GTPBP2: variants seen among roughly 807,000 people sequenced by gnomAD.
GTPBP2 encodes GTP binding protein 2.
Under a neutral mutation model 63.0 loss-of-function variants are expected in GTPBP2, and 32 were observed. The observed-to-expected ratio is 0.51, with a 90% CI of 0.38 to 0.68. The LOEUF is 0.68. Among genes scored for constraint, GTPBP2 ranks in the 30% least tolerant of loss-of-function variants. The pLI, the probability that GTPBP2 is intolerant of heterozygous loss-of-function variation, is 0.00. For synonymous variants in GTPBP2, 310 were observed against 322.6 expected (o/e 0.96, Z 0.42); for missense variants, 492 against 796.9 (o/e 0.62, Z 4.61).
In GTPBP2 at chr6:43,623,757, A is replaced by C; in HGVS notation, c.1275T>G (p.Val425=). ...TTTACCTGGAAAGTGTTCCTCCAAC[A>C]ACAGTCCCCACCTCTGGTACTGTGT... ...EIYTVPEVGT[V]VGGTLSSGIC... The change falls in exon 9 of 12, where the codon GTT becomes GTG. Residue 425 remains valine, a synonymous_variant. Transcript: ENST00000307126. 1 of 1,613,128 alleles carries C rather than the reference A, an allele frequency of 6.2e-7. No individual in the cohort carries two copies. Among genetic ancestry groups the C allele is most frequent in the Non-Finnish European group, 8.5e-7 (1 of 1,179,046 alleles).
upstream of GTPBP2, among the ~76,000 whole-genome samples, chr6:43,630,033 A>G (rs368721880): frequency 3.9e-5 from 6 of 152,282 alleles, no homozygotes; most frequent in Non-Finnish European, 2.9e-5. Flanking sequence ...AGCAGAACCA[A>G]TCGGGAAGAA....
rs910140705 is a variant in GTPBP2, at chr6:43,622,574, A to G, written c.1467+59T>C. On this transcript the variant is annotated intron_variant, in intron 10 of 11. Transcript: ENST00000307126. The surrounding 1 kb of genome is among the most constrained non-coding windows in gnomAD (Gnocchi z 5.4). ...CACCTTAGATAGGTGCTCATTCAGT[A>G]GCCAGTCTCCTAGGCACTTCTCTTA... The G allele has an allele frequency of 8.8e-6, 13 of 1,476,864 alleles. No homozygotes were observed. Among genetic ancestry groups the G allele is most frequent in the Middle Eastern group, 1.8e-4 (1 of 5,668 alleles). 91.5% of individuals were successfully genotyped at this position (1,476,864 alleles called of 1,614,324 possible).
Position 43,621,549 on chromosome 6 carries a change from A to G in GTPBP2, c.*65T>C. 1.9e-6 allele frequency: 3 copies of G among 1,612,136 alleles called. No homozygotes were observed. The highest frequency in any genetic ancestry group is 2.5e-6 in the Non-Finnish European group (3 of 1,179,204). ...CACACAGAGCCGCCAATGGCAGGGCAGCATGGCCAGAAGTCACCTTATATA... is the reference window on the plus strand; with the variant it reads ...CACACAGAGCCGCCAATGGCAGGGCGGCATGGCCAGAAGTCACCTTATATA... On this transcript the variant is annotated 3_prime_UTR_variant, in exon 12 of 12. Coordinates refer to ENST00000307126, the MANE Select transcript of GTPBP2 (RefSeq NM_019096.5).
At position 43,621,204 on chromosome 6, in the gene GTPBP2, A is replaced by T; in HGVS notation, c.*410T>A. 2.8e-6 allele frequency: 1 copy of T among 359,598 alleles called. No individual in the cohort carries two copies. The highest frequency in any genetic ancestry group is 2.1e-5 in the South Asian group (1 of 47,388). 22.3% of individuals were successfully genotyped at this position (359,598 alleles called of 1,614,324 possible). A position where few individuals can be genotyped will look rare whatever the true frequency, so the allele number is the denominator to read the frequency against. On this transcript the variant is annotated 3_prime_UTR_variant, in exon 12 of 12. Coordinates refer to ENST00000307126, the MANE Select transcript of GTPBP2 (RefSeq NM_019096.5). ...AACTTACATGGCCTTGAGAAGAGGT[A>T]TAGAAAAAGGAGTGCTTTTGAGGGC...
chr6:43,622,050 C>A lies in GTPBP2; in HGVS notation c.1585G>T (p.Val529Leu), dbSNP rs779230466. The change falls in exon 11 of 12, where the codon GTG (valine) becomes TTG (leucine). Residue 529 changes from valine (V) to leucine (L), a missense_variant. Val to Leu is a conservative substitution (Grantham distance 32). Around this residue, in one of 2 missense-constraint regions of GTPBP2, gnomAD observed 400 missense variants for 710.8 expected, o/e 0.56. Coordinates refer to ENST00000307126, the MANE Select transcript of GTPBP2 (RefSeq NM_019096.5). This position sits in a 1 kb window ranked among gnomAD's most constrained non-coding sequence, Gnocchi z 5.4. ...ACTGCCGTCTGACGTACGTTGCCCA[C>A]GTGTACTGTCACCTGGAATCCTCGT... ...FRRGFQVTVH[V>L]GNVRQTAVVE... The A allele has an allele frequency of 6.2e-7, 1 of 1,614,138 alleles. No individual in the cohort carries two copies. Among genetic ancestry groups the A allele is most frequent in the Admixed American group, 1.7e-5 (1 of 60,020 alleles).
chr6:43,629,286 T>A (rs1214717882), upstream of GTPBP2: 2 of 708,836 alleles, frequency 2.8e-6, no homozygotes, highest in East Asian at 6.9e-5. Flanking sequence ...CTGCACAAGC[T>A]ACGCCCCCCA....
chr6:43,623,823 G>T, intron 8 of GTPBP2, 28 bp from the exon 9 acceptor site: 1 of 1,610,994 alleles, frequency 6.2e-7, no homozygotes, highest in Non-Finnish European at 8.5e-7. Context: ...GCTATCAATG[G>T]CCTGCCAAGT....
chr6:43,629,538 T>TG (rs961408168), upstream of GTPBP2: 6 of 638,996 alleles, frequency 9.4e-6, no homozygotes, highest in African/African-American at 9.1e-5. Context: ...TTCTAGGACT[T>TG]GGGGGGAATT....
At position 43,622,762 on chromosome 6, in the gene GTPBP2, C is replaced by T. The variant is rs1406366343; in HGVS notation, c.1338G>A (p.Thr446=). The change falls in exon 10 of 12, where the codon ACG becomes ACA. Residue 446 remains threonine, a synonymous_variant. Transcript: ENST00000307126. This position sits in a 1 kb window ranked among gnomAD's most constrained non-coding sequence, Gnocchi z 5.4. ...TCAGCTCCAGGAAGCAGCCATCATC[C>T]GTGGGGCCCACCACCAGCTGGTCCC... ...REGDQLVVGP[T]DDGCFLELRV... is the part of the protein sequence containing the mutation. 4 of 1,613,988 alleles carry T rather than the reference C, an allele frequency of 2.5e-6. No individual in the cohort carries two copies. The highest frequency in any genetic ancestry group is 2.5e-6 in the Non-Finnish European group (3 of 1,179,990).
At position 43,622,045 on chromosome 6, in the gene GTPBP2, G is replaced by A. The variant is rs749602349; in HGVS notation, c.1590C>T (p.Gly530=). The A allele has an allele frequency of 3.1e-6, 5 of 1,614,142 alleles. No homozygotes were observed. The East Asian group carries it at 1.1e-4, about 36-fold the overall frequency. The change falls in exon 11 of 12, where the codon GGC becomes GGT. Residue 530 remains glycine (G), a synonymous_variant. Transcript: ENST00000307126. This position sits in a 1 kb window ranked among gnomAD's most constrained non-coding sequence, Gnocchi z 5.4. ...RRGFQVTVHV[G]NVRQTAVVEK... ...CCACCACTGCCGTCTGACGTACGTT[G>A]CCCACGTGTACTGTCACCTGGAATC...
In GTPBP2 at chr6:43,625,937, G is replaced by A. The variant is rs137900642; in HGVS notation, c.399-73C>T. On this transcript the variant is annotated intron_variant, in intron 3 of 11. Coordinates refer to ENST00000307126, the MANE Select transcript of GTPBP2 (RefSeq NM_019096.5). This position sits in a 1 kb window ranked among gnomAD's most constrained non-coding sequence, Gnocchi z 5.1. ...ATTCCAGGCTCGCTCTGGACCTACA[G>A]ACTTCCTGCACCTCCCACAGAGCTC... The A allele has an allele frequency of 1.7e-6, 2 of 1,183,112 alleles. No individual in the cohort carries two copies. Among genetic ancestry groups the A allele is most frequent in the Non-Finnish European group, 2.5e-6 (2 of 790,442 alleles). 73.3% of individuals were successfully genotyped at this position (1,183,112 alleles called of 1,614,324 possible).
chr6:43,626,985 C>A lies in GTPBP2; in HGVS notation c.187-37G>T. On this transcript the variant is annotated intron_variant, in intron 1 of 11. Transcript: ENST00000307126. The surrounding 1 kb of genome is among the most constrained non-coding windows in gnomAD (Gnocchi z 4.0). ...CAGTGAGCAGTTACCATACACTGTA[C>A]AGACCCAATCCCTACTTCCCCTCAA... The A allele has an allele frequency of 6.4e-7, 1 of 1,565,884 alleles. No individual in the cohort carries two copies. Among genetic ancestry groups the A allele is most frequent in the Non-Finnish European group, 8.7e-7 (1 of 1,144,762 alleles).
intron 11 of GTPBP2, 37 bp from the exon 12 acceptor site, chr6:43,621,827 C>T (rs764132651): frequency 2.5e-6 from 4 of 1,613,576 alleles, no homozygotes; most frequent in Non-Finnish European, 3.4e-6. Flanking sequence ...TGGCCAGTGC[C>T]TTCTGTCCCA....
intron 1 of GTPBP2, chr6:43,627,362 C>T: frequency 1.0e-6 from 1 of 998,038 alleles, no homozygotes; most frequent in Non-Finnish European, 1.2e-6. Context: ...ACACCATTTC[C>T]TCCCTGCCTG....
chr6:43,623,701 G>A (rs773995398), intron 9 of GTPBP2, 36 bp downstream of exon 9: 1 of 1,510,622 alleles, frequency 6.6e-7, no homozygotes, highest in Non-Finnish European at 9.2e-7. Context: ...TATAGGTGAG[G>A]GCTGAGTGGG....
At position 43,626,273 on chromosome 6, in the gene GTPBP2, C is replaced by G; in HGVS notation, c.351G>C (p.Glu117Asp). The G allele has an allele frequency of 6.2e-7, 1 of 1,614,242 alleles. No homozygotes were observed. Among genetic ancestry groups the G allele is most frequent in the Non-Finnish European group, 8.5e-7 (1 of 1,180,044 alleles). The change falls in exon 3 of 12, where the codon GAG becomes GAC. Residue 117 changes from glutamate (E) to aspartate (D), a missense_variant. Coordinates refer to ENST00000307126, the MANE Select transcript of GTPBP2 (RefSeq NM_019096.5). This position sits in a 1 kb window ranked among gnomAD's most constrained non-coding sequence, Gnocchi z 4.0. ...EDNGLLVGLA[E>D]EEMRASLKTL... ...TCTTGAGCGAAGCTCGCATTTCCTCCTCAGCCAGCCCCACCAGCAGCCCAT... is the reference window on the plus strand; with the variant it reads ...TCTTGAGCGAAGCTCGCATTTCCTCGTCAGCCAGCCCCACCAGCAGCCCAT...
In GTPBP2 at chr6:43,624,930, G is replaced by T; in HGVS notation, c.838C>A (p.Pro280Thr). Residue 280 changes from proline (P) to threonine (T), a missense_variant, in exon 6 of 12, where the codon CCC becomes ACC. This residue lies in a region of GTPBP2 where 400 missense variants were observed against 710.8 expected (regional missense o/e 0.56). Coordinates refer to ENST00000307126, the MANE Select transcript of GTPBP2 (RefSeq NM_019096.5). The surrounding 1 kb of genome is among the most constrained non-coding windows in gnomAD (Gnocchi z 5.1). ...TTIFGLTSYC[P>T]DCALLLVSAN... ...CTGACGAGGAGCAGGGCGCAGTCGG[G>T]GCAGTATGATGTGAGGCCAAAGATG... 6.2e-7 allele frequency: 1 copy of T among 1,614,150 alleles called. No individual in the cohort carries two copies. The highest frequency in any genetic ancestry group is 8.5e-7 in the Non-Finnish European group (1 of 1,180,018).
chr6:43,624,775 C>A lies in GTPBP2; in HGVS notation c.881-46G>T, dbSNP rs778372596. The A allele has an allele frequency of 3.1e-6, 5 of 1,594,116 alleles. No homozygotes were observed. The highest frequency in any genetic ancestry group is 4.3e-6 in the Non-Finnish European group (5 of 1,162,818). On this transcript the variant is annotated intron_variant, in intron 6 of 11. Coordinates refer to ENST00000307126, the MANE Select transcript of GTPBP2 (RefSeq NM_019096.5). This position sits in a 1 kb window ranked among gnomAD's most constrained non-coding sequence, Gnocchi z 5.1. ...GCAGCAGGAGAGAAGAGTGAGAATG[C>A]AGGAGGGAGGAGAGGGAAGAAGAGG...
In GTPBP2 at chr6:43,622,098, G is replaced by T. The variant is rs763654511; in HGVS notation, c.1537C>A (p.Leu513Met). 2 of 1,614,042 alleles carry T rather than the reference G, an allele frequency of 1.2e-6. No homozygotes were observed. The highest frequency in any genetic ancestry group is 1.7e-6 in the Non-Finnish European group (2 of 1,179,900). The change falls in exon 11 of 12, where the codon CTG (leucine) becomes ATG (methionine). Residue 513 changes from leucine to methionine, a missense_variant. Leu to Met is a conservative substitution (Grantham distance 15). Transcript: ENST00000307126. This position sits in a 1 kb window ranked among gnomAD's most constrained non-coding sequence, Gnocchi z 5.4. The part of the protein sequence containing the change: ...CSVFEAEIVL[L>M]FHATTFRRGF... ...CGTCGGAAGGTGGTGGCATGGAACA[G>T]TAAGACTATCTCTGCCTCAAACACC... is the stretch of plus-strand genomic sequence containing the variant.
Sources: gnomAD v4.1 joint callset for allele counts (sites outside exome capture counted in the v4.1 genomes callset) on GRCh38, gnomAD v4.1.1 for gene constraint, gnomAD v4.1.1 regional missense constraint, Gnocchi (gnomAD v3.1) non-coding constraint, MANE v1.5 for transcripts, NCBI Gene and HGNC (gene_info 2026-07-23, HGNC 2026-07-21) for gene names.